The following FRMD4A variants were observed in gnomAD, a reference collection of about 807,000 sequenced individuals.
The protein encoded by FRMD4A is FERM domain containing 4A.
Under a neutral mutation model 129.1 loss-of-function variants are expected in FRMD4A, and 29 were observed. The observed-to-expected ratio is 0.22, with a 90% CI of 0.17 to 0.31. The LOEUF (loss-of-function observed/expected upper bound fraction) is 0.31, where lower values mean the gene tolerates loss of function less well. Ranked by LOEUF, FRMD4A falls within the 10% of genes least tolerant of loss-of-function variation. The pLI, the probability that FRMD4A is intolerant of heterozygous loss-of-function variation, is 1.00. For synonymous variants in FRMD4A, 634 were observed against 571.6 expected, an observed-to-expected ratio of 1.11 and a Z score of -1.56; for missense variants, 1,272 against 1,375.8, an observed-to-expected ratio of 0.92 and a Z score of 1.19.
intron 3 of FRMD4A, among the ~76,000 whole-genome samples, chr10:13,838,729 G>A (rs1476277258): frequency 2.0e-5 from 3 of 152,142 alleles, no homozygotes; most frequent in Admixed American, 2.0e-4. Flanking sequence ...CTAACCTCAA[G>A]TGATACGCCT....
intron 2 of FRMD4A, among the ~76,000 whole-genome samples, chr10:14,015,018 CCCTT>C (rs1359229417): frequency 0.025 from 3,447 of 136,976 alleles, 68 homozygotes; most frequent in Non-Finnish European, 0.039. Context: ...CTCCCTCCCT[CCCTT>C]CCTTCCTTCC....
chr10:14,255,480 C>A (rs1844576549), intron 2 of FRMD4A, among the ~76,000 whole-genome samples: 1 of 152,178 alleles, frequency 6.6e-6, no homozygotes, highest in African/African-American at 2.4e-5. Flanking sequence ...CCTGGTTGCA[C>A]CGCATACTTG....
At chr10:13,891,683 C>G (rs2094698594) in intron 2 of FRMD4A, 1 of 985,260 alleles carries the variant, frequency 1.0e-6, no homozygotes, top group Non-Finnish European at 1.2e-6. Flanking sequence ...CGGCTGGTAC[C>G]CCGGAACGGG....
chr10:14,144,019 G>C (rs886865582), intron 2 of FRMD4A, among the ~76,000 whole-genome samples: 1 of 152,106 alleles, frequency 6.6e-6, no homozygotes, highest in Admixed American at 6.5e-5. Context: ...TAGTACAAAG[G>C]GGATGGGAGG....
chr10:13,787,171 G>A (rs1332418643), intron 5 of FRMD4A, among the ~76,000 whole-genome samples: 3 of 152,208 alleles, frequency 2.0e-5, no homozygotes, highest in African/African-American at 7.2e-5. Context: ...CTCGACGGAA[G>A]TGGAAAGCAG....
At chr10:14,070,541 A>G (rs1835270715) in intron 2 of FRMD4A, among the ~76,000 whole-genome samples, 1 of 152,248 alleles carries the variant, frequency 6.6e-6, no homozygotes, top group African/African-American at 2.4e-5. Context: ...AAGAGCTGGC[A>G]GAAGAAGGGA....
intron 2 of FRMD4A, among the ~76,000 whole-genome samples, chr10:14,204,556 C>G (rs940474202): frequency 2.0e-5 from 3 of 152,162 alleles, no homozygotes; most frequent in Admixed American, 2.0e-4. Context: ...CGGTTCATTC[C>G]TTTTCTCGCA....
At position 13,701,442 on chromosome 10, in the gene FRMD4A, G is replaced by A. The variant is rs1299305373; in HGVS notation, c.873C>T (p.Gly291=). ...SVTRRTFGHS[G]IAVHTWYACP... is the part of the protein sequence containing the mutation. ...ATGCATACCACGTGTGCACTGCAAT[G>A]CCGCTGTGCCCAAACGTCCTCCTTG... Residue 291 remains glycine, a synonymous_variant, in exon 14 of 25, where the codon GGC becomes GGT. Transcript: ENST00000357447. 2 of 1,613,500 alleles carry A rather than the reference G, an allele frequency of 1.2e-6. No homozygotes were observed. The highest frequency in any genetic ancestry group is 1.7e-6 in the Non-Finnish European group (2 of 1,179,568).
intron 2 of FRMD4A, among the ~76,000 whole-genome samples, chr10:14,166,599 C>T (rs894881029): frequency 3.9e-5 from 6 of 152,178 alleles, no homozygotes; most frequent in African/African-American, 9.7e-5. Context: ...TCAATGTTCA[C>T]CTCCAGTTAT....
intron 2 of FRMD4A, among the ~76,000 whole-genome samples, chr10:14,256,854 G>T (rs1424024648): frequency 1.3e-5 from 2 of 151,908 alleles, no homozygotes; most frequent in South Asian, 2.1e-4. Flanking sequence ...AAAAATAAAT[G>T]TATATGTAAT....
chr10:14,237,375 G>A (rs1222208671), intron 2 of FRMD4A, among the ~76,000 whole-genome samples: 3 of 152,136 alleles, frequency 2.0e-5, no homozygotes, highest in Non-Finnish European at 4.4e-5. Context: ...CTGTCGCCCA[G>A]GCTGGAGTGC....
chr10:14,206,820 A>AAAAAAAAAAAAG lies in FRMD4A; in HGVS notation c.45+123237_45+123238insCTTTTTTTTTTT, dbSNP rs1429238276. On this transcript the variant is annotated intron_variant, in intron 2 of 24. Transcript: ENST00000357447. ...GTGAGACGCTATCTCAAAAAAAAAA[A>AAAAAAAAAAAAG]AGAGAGACAGAGAAACAAAATATTT... Among the ~76,000 whole-genome samples, 197 of 127,436 alleles carry AAAAAAAAAAAAG rather than the reference A, an allele frequency of 1.5e-3. 10 individuals are homozygous for AAAAAAAAAAAAG. Among genetic ancestry groups the AAAAAAAAAAAAG allele is most frequent in the Middle Eastern group, 8.8e-3 (2 of 228 alleles). The allele number at this position is 127,436 out of a possible 152,430, so 83.6% of individuals were successfully genotyped here.
intron 2 of FRMD4A, among the ~76,000 whole-genome samples, chr10:14,167,184 A>C (rs929716722): frequency 2.6e-5 from 4 of 152,174 alleles, no homozygotes; most frequent in African/African-American, 7.2e-5. Context: ...TGAAATTATC[A>C]TTTCTCCGCA....
chr10:13,803,923 C>T (rs1445167953), intron 4 of FRMD4A, among the ~76,000 whole-genome samples: 1 of 152,236 alleles, frequency 6.6e-6, no homozygotes, highest in African/African-American at 2.4e-5. Flanking sequence ...GCCAGGTTCC[C>T]AGCTCCCTCC....
At chr10:13,856,923 A>T (rs527351482) in intron 3 of FRMD4A, among the ~76,000 whole-genome samples, 8 of 152,192 alleles carry the variant, frequency 5.3e-5, no homozygotes, top group Non-Finnish European at 1.2e-4. Flanking sequence ...CATGTAAAAT[A>T]CACCAGACCA....
chr10:14,010,989 G>A (rs575680511), intron 2 of FRMD4A, among the ~76,000 whole-genome samples: 75 of 152,160 alleles, frequency 4.9e-4, no homozygotes, highest in Non-Finnish European at 8.8e-4. Flanking sequence ...GAGGAAATGC[G>A]TTTCATTATC....
chr10:14,147,270 C>G (rs1840119853), intron 2 of FRMD4A, among the ~76,000 whole-genome samples: 1 of 152,048 alleles, frequency 6.6e-6, no homozygotes, highest in African/African-American at 2.4e-5. Context: ...TCATTATATT[C>G]CTAAGAGTGG....
At chr10:13,701,293 G>C (rs1260739315) in intron 14 of FRMD4A, 47 bp downstream of exon 14, 1 of 1,578,910 alleles carries the variant, frequency 6.3e-7, no homozygotes, top group Non-Finnish European at 8.7e-7. Context: ...CCTAAACTAA[G>C]AGAGGCAGAC....
chr10:13,730,261 A>C (rs1265237029), intron 12 of FRMD4A, among the ~76,000 whole-genome samples: 2 of 152,210 alleles, frequency 1.3e-5, no homozygotes, highest in Non-Finnish European at 2.9e-5. Flanking sequence ...GATTTTGTCC[A>C]GACTTACTTA....
Sources: allele counts gnomAD v4.1 joint callset (sites outside exome capture counted in the v4.1 genomes callset), GRCh38; gene constraint gnomAD v4.1.1; transcripts MANE v1.5; gene names NCBI Gene and HGNC (gene_info 2026-07-23, HGNC 2026-07-21).